Variants in CAPN9 observed in about 807,000 individuals in gnomAD.
CAPN9 encodes the protein calpain-9.
A neutral mutation model predicts 92.8 loss-of-function variants in CAPN9; 81 were observed. The observed-to-expected ratio is 0.87, with a 90% CI of 0.73 to 1.05. The LOEUF (loss-of-function observed/expected upper bound fraction) is 1.05, where lower values mean the gene tolerates loss of function less well. Among genes scored for constraint, CAPN9 ranks in the 50% least tolerant of loss-of-function variants. CAPN9 has a pLI of 0.00. For missense variants in CAPN9, 848 were observed against 866.2 expected, an observed-to-expected ratio of 0.98 and a Z score of 0.26; for synonymous variants, 304 against 328.0, an observed-to-expected ratio of 0.93 and a Z score of 0.79.
chr1:230,754,952 C>T (rs375984898), intron 1 of CAPN9, among the ~76,000 whole-genome samples: 1 of 152,198 alleles, frequency 6.6e-6, no homozygotes, highest in Admixed American at 6.5e-5. Context: ...CTCCTTGAAG[C>T]CCACAGAGGT....
intron 1 of CAPN9, among the ~76,000 whole-genome samples, chr1:230,749,754 C>T (rs1016276683): frequency 6.6e-5 from 10 of 152,132 alleles, no homozygotes; most frequent in Admixed American, 4.6e-4. Context: ...GGGTCAGCTG[C>T]GTTACCATGA....
intron 15 of CAPN9, 55 bp from the exon 16 acceptor site, chr1:230,792,371 C>A: frequency 1.3e-6 from 2 of 1,491,990 alleles, no homozygotes; most frequent in Non-Finnish European, 1.9e-6. Context: ...TGAGGTCCCA[C>A]GAGGAGCCTC....
intron 12 of CAPN9, 112 bp from the exon 13 acceptor site, chr1:230,787,410 C>T: frequency 1.2e-6 from 1 of 813,048 alleles, no homozygotes; most frequent in Non-Finnish European, 2.0e-6. Context: ...CACACTGCCT[C>T]AGGAGGGTGA....
intron 12 of CAPN9, among the ~76,000 whole-genome samples, chr1:230,786,887 G>A (rs927307986): frequency 6.6e-6 from 1 of 152,268 alleles, no homozygotes; most frequent in African/African-American, 2.4e-5. Flanking sequence ...GGGGTGACAT[G>A]GGGGTGGCTT....
intron 8 of CAPN9, among the ~76,000 whole-genome samples, chr1:230,775,165 AAG>A (rs771885676): frequency 5.3e-5 from 8 of 152,104 alleles, no homozygotes; most frequent in East Asian, 1.9e-4. Flanking sequence ...CGGTTTGTTG[AAG>A]AGTCTTCAGG....
In CAPN9 at chr1:230,798,218, G is replaced by T; in HGVS notation, c.2044G>T (p.Glu682Ter). ...NKEFIHLNINEFIHLTMNI is the reference protein window; with the variant it reads ...NKEFIHLNIN Reference sequence around the variant, plus strand: ...GGAGTTCATTCATCTCAATATAAATGAGGTATGGCCAATCCAGACCCTCTG... The same window carrying T: ...GGAGTTCATTCATCTCAATATAAATTAGGTATGGCCAATCCAGACCCTCTG... Residue 682 changes from glutamate (E) to a stop codon, truncating the protein, a stop_gained and splice_region_variant, in exon 19 of 20, where the codon GAG (glutamate) becomes TAG (stop). Coordinates refer to ENST00000271971, the MANE Select transcript of CAPN9 (RefSeq NM_006615.3). LOFTEE classifies it high-confidence loss of function. The T allele has an allele frequency of 6.2e-7, 1 of 1,609,042 alleles. No homozygotes were observed. Among genetic ancestry groups the T allele is most frequent in the Non-Finnish European group, 8.5e-7 (1 of 1,175,534 alleles).
intron 7 of CAPN9, among the ~76,000 whole-genome samples, 199 bp downstream of exon 7, chr1:230,772,298 A>G (rs538167190): frequency 6.6e-6 from 1 of 152,320 alleles, no homozygotes; most frequent in Admixed American, 6.5e-5. Context: ...GATTCTCAAG[A>G]AAGACTTTTA....
rs958615491 is a variant in CAPN9, at chr1:230,799,713, G to A, written c.2046+1493G>A. ...TCAATCCAAGATTCCAAAGAAAGAT[G>A]TGCACACACAAATTATTCTTTTATG... On this transcript the variant is annotated intron_variant, in intron 19 of 19. Coordinates refer to ENST00000271971, the MANE Select transcript of CAPN9 (RefSeq NM_006615.3). Among the ~76,000 whole-genome samples the A allele has an allele frequency of 2.0e-5, 3 of 152,288 alleles. No homozygotes were observed. The South Asian group carries it at 6.2e-4, about 32-fold the overall frequency.
At chr1:230,749,458 C>T (rs749878896) in intron 1 of CAPN9, among the ~76,000 whole-genome samples, 4 of 152,198 alleles carry the variant, frequency 2.6e-5, no homozygotes, top group Non-Finnish European at 5.9e-5. Flanking sequence ...AACAAATGGG[C>T]GCGTGGGCAG....
At chr1:230,787,193 G>A (rs1213209964) in intron 12 of CAPN9, among the ~76,000 whole-genome samples, 2 of 152,150 alleles carry the variant, frequency 1.3e-5, no homozygotes, top group East Asian at 3.9e-4. Flanking sequence ...TCCAGTCCAG[G>A]GTGGTAAGAA....
At chr1:230,798,949 C>T (rs1024904673) in intron 19 of CAPN9, among the ~76,000 whole-genome samples, 3 of 152,228 alleles carry the variant, frequency 2.0e-5, no homozygotes, top group African/African-American at 7.2e-5. Flanking sequence ...AGACATTCTC[C>T]TGCCCAAAGG....
At chr1:230,749,263 C>T (rs6541331) in intron 1 of CAPN9, among the ~76,000 whole-genome samples, 29,769 of 152,160 alleles carry the variant, frequency 0.2, 3,444 homozygotes, top group African/African-American at 0.32. Context: ...GAGGTCACGG[C>T]ACTGGCAGAT....
Position 230,772,047 on chromosome 1 carries a change from C to T in CAPN9, c.823C>T (p.Arg275Ter), listed in dbSNP as rs559454208. The T allele has an allele frequency of 1.1e-5, 17 of 1,614,092 alleles. No homozygotes were observed. The highest frequency in any genetic ancestry group is 6.7e-5 in the Admixed American group (4 of 60,008). ...SFRGQRIELI[R>*]IRNPWGQVEW... is the part of the protein sequence containing the mutation. ...CCGAGGCCAGAGAATCGAGCTCATC[C>T]GAATCCGGAACCCTTGGGGCCAGGT... The change falls in exon 7 of 20, where the codon CGA becomes TGA. Residue 275 changes from arginine (R) to a stop codon, truncating the protein, a stop_gained. Coordinates refer to ENST00000271971, the MANE Select transcript of CAPN9 (RefSeq NM_006615.3). LOFTEE classifies it high-confidence loss of function.
intron 1 of CAPN9, 90 bp from the exon 2 acceptor site, chr1:230,755,247 C>T: frequency 1.9e-6 from 2 of 1,033,656 alleles, no homozygotes; most frequent in African/African-American, 1.6e-5. Flanking sequence ...AGCCCTCTGC[C>T]CCAAGAAAGC....
chr1:230,782,145 C>T (rs937925932), intron 11 of CAPN9, among the ~76,000 whole-genome samples: 6 of 152,190 alleles, frequency 3.9e-5, no homozygotes, highest in Non-Finnish European at 8.8e-5. Context: ...AGCTCAGAGT[C>T]ACTGACATGC....
At position 230,768,039 on chromosome 1, in the gene CAPN9, A is replaced by T. The variant is rs1666111344; in HGVS notation, c.705+330A>T. On this transcript the variant is annotated intron_variant, in intron 5 of 19. Transcript: ENST00000271971. ...AAATAAATAAATAAATAAATAAATA[A>T]ATAAATAAATAAATAAAAAATAAAA... Among the ~76,000 whole-genome samples the T allele has an allele frequency of 2.2e-5, 3 of 133,982 alleles. No homozygotes were observed. In the Admixed American group the frequency reaches 2.3e-4, roughly 10 times the overall value. The allele number at this position is 133,982 out of a possible 152,430, so 87.9% of individuals were successfully genotyped here.
intron 8 of CAPN9, among the ~76,000 whole-genome samples, chr1:230,777,983 G>T (rs1666937073): frequency 6.6e-6 from 1 of 152,096 alleles, no homozygotes. Context: ...TAATTCTCAG[G>T]TTTCTATCTT....
rs28359603 is a variant in CAPN9 at position 230,758,327 on chromosome 1, C to T, written c.284-1185C>T. 5.1e-3 allele frequency among the ~76,000 whole-genome samples: 777 copies of T among 152,214 alleles called. 8 individuals are homozygous for T. Among genetic ancestry groups the T allele is most frequent in the African/African-American group, 0.017 (717 of 41,522 alleles). On this transcript the variant is annotated intron_variant, in intron 2 of 19. Coordinates refer to ENST00000271971, the MANE Select transcript of CAPN9 (RefSeq NM_006615.3). ...TCTCTCCTTATCTTTGCATCTTCTG[C>T]GTGGCACAAGGTCTGCCACCCTAGA... is the stretch of plus-strand genomic sequence containing the variant.
intron 15 of CAPN9, among the ~76,000 whole-genome samples, 153 bp from the exon 16 acceptor site, chr1:230,792,273 G>A (rs552868564): frequency 6.6e-6 from 1 of 152,244 alleles, no homozygotes; most frequent in Non-Finnish European, 1.5e-5. Flanking sequence ...AGAGATTTGT[G>A]GTTTAATCAT....
Sources: allele counts gnomAD v4.1 joint callset (sites outside exome capture counted in the v4.1 genomes callset), GRCh38; gene constraint gnomAD v4.1.1; transcripts MANE v1.5; gene names NCBI Gene and HGNC (gene_info 2026-07-23, HGNC 2026-07-21).